Variants in RACGAP1 observed in about 807,000 individuals in gnomAD.
RACGAP1 encodes the protein Rac GTPase activating protein 1.
A neutral mutation model predicts 78.1 loss-of-function variants in RACGAP1; 30 were observed. The ratio of observed to expected loss-of-function variants is 0.38; its 90% CI spans 0.29 to 0.52. The LOEUF is 0.52. Ranked by LOEUF, RACGAP1 falls within the 20% of genes least tolerant of loss-of-function variation. The pLI, the probability that RACGAP1 is intolerant of heterozygous loss-of-function variation, is 0.82. For synonymous variants in RACGAP1, 231 were observed against 264.8 expected, an observed-to-expected ratio of 0.87 and a Z score of 1.24; for missense variants, 587 against 777.1, an observed-to-expected ratio of 0.76 and a Z score of 2.91.
intron 10 of RACGAP1, among the ~76,000 whole-genome samples, chr12:49,996,667 A>AAAAAAAAAAAAAAAAAAAAAAAAAG (rs1948302262): frequency 7.2e-6 from 1 of 138,752 alleles, no homozygotes; most frequent in Non-Finnish European, 1.5e-5. Context: ...AAAAAAAAAA[A>AAAAAAAAAAAAAAAAAAAAAAAAAG]ATGGACACAA....
intron 8 of RACGAP1, 69 bp from the exon 9 acceptor site, chr12:49,999,340 T>A: frequency 2.6e-6 from 4 of 1,529,850 alleles, no homozygotes; most frequent in Non-Finnish European, 3.5e-6. Flanking sequence ...TAGCTCCAAT[T>A]TTAACTGGGA....
rs566338956 is a variant in RACGAP1, at chr12:50,002,627, T to C, written c.496-327A>G. 13 of 223,114 alleles carry C rather than the reference T, an allele frequency of 5.8e-5. No homozygotes were observed. The East Asian group carries it at 1.2e-3, about 21-fold the overall frequency. The allele number at this position is 223,114 out of a possible 1,614,324, so 13.8% of individuals were successfully genotyped here. ...TTATTTTTGTAATTAGTTTTAGAAC[T>C]TACAGAATGTTAGGCACTATACTGA... is the stretch of plus-strand genomic sequence containing the variant. On this transcript the variant is annotated intron_variant, in intron 5 of 16. Coordinates refer to ENST00000312377, the MANE Select transcript of RACGAP1 (RefSeq NM_001319999.2).
At chr12:49,991,475 ATATATTTTTTT>A (rs1373377078) in intron 15 of RACGAP1, among the ~76,000 whole-genome samples, 7 of 33,912 alleles carry the variant, frequency 2.1e-4, no homozygotes, top group Non-Finnish European at 4.7e-4. Context: ...ATATATATAT[ATATATTTTTTT>A]TTTTTTTTTT....
intron 1 of RACGAP1, chr12:50,021,052 A>G: frequency 1.1e-6 from 1 of 942,376 alleles, no homozygotes; most frequent in Non-Finnish European, 1.3e-6. Context: ...AAAAGCTAAA[A>G]TTTACTCACC....
chr12:50,005,218 T>C, intron 4 of RACGAP1, 38 bp downstream of exon 4: 3 of 1,610,136 alleles, frequency 1.9e-6, no homozygotes, highest in African/African-American at 2.7e-5. Context: ...CAGCCTGTGT[T>C]GCTTGTGATA....
upstream of RACGAP1, among the ~76,000 whole-genome samples, chr12:50,026,739 G>A (rs1950274639): frequency 6.6e-6 from 1 of 152,236 alleles, no homozygotes; most frequent in Admixed American, 6.5e-5. Flanking sequence ...GCAGGCTGGA[G>A]TGCAGTGGCA....
intron 3 of RACGAP1, 42 bp from the exon 4 acceptor site, chr12:50,005,434 G>C (rs766389822): frequency 5.0e-6 from 8 of 1,607,374 alleles, no homozygotes; most frequent in Non-Finnish European, 6.8e-6. Flanking sequence ...CTAGCCAGGG[G>C]AGAAAGCTTC....
upstream of RACGAP1, among the ~76,000 whole-genome samples, chr12:50,029,773 G>C (rs1032141640): frequency 2.6e-5 from 4 of 151,078 alleles, no homozygotes; most frequent in Non-Finnish European, 5.9e-5. Flanking sequence ...GGCGCCTGTA[G>C]TCCCAGCTAC....
At chr12:50,029,768 C>T (rs1459048829), upstream of RACGAP1, among the ~76,000 whole-genome samples, 1 of 150,958 alleles carries the variant, frequency 6.6e-6, no homozygotes, top group African/African-American at 2.4e-5. Flanking sequence ...TGGCGGGCGC[C>T]TGTAGTCCCA....
chr12:50,026,719 ACT>A (rs1279138213), upstream of RACGAP1, among the ~76,000 whole-genome samples: 19 of 152,206 alleles, frequency 1.2e-4, no homozygotes, highest in African/African-American at 3.4e-4. Flanking sequence ...ACAGGGTCTT[ACT>A]CTGTCACGCA....
intron 2 of RACGAP1, among the ~76,000 whole-genome samples, chr12:50,014,812 G>A (rs894365565): frequency 1.3e-5 from 2 of 151,962 alleles, no homozygotes; most frequent in African/African-American, 4.8e-5. Flanking sequence ...GGAGGCTGTG[G>A]TGGGCTGATC....
intron 1 of RACGAP1, among the ~76,000 whole-genome samples, chr12:50,022,622 G>C (rs1371444431): frequency 6.6e-6 from 1 of 151,776 alleles, no homozygotes; most frequent in Non-Finnish European, 1.5e-5. Context: ...AAAATTAATA[G>C]CAAAACAAAA....
chr12:50,014,736 G>GC lies in RACGAP1; in HGVS notation c.85+1894_85+1895insG, dbSNP rs1555177108. ...CACACTGGCGGGTTTTTTTGTTTTT[G>GC]TTTTTTTTTCTGTAGAGATGGGGTT... On this transcript the variant is annotated intron_variant, in intron 2 of 16. Coordinates refer to ENST00000312377, the MANE Select transcript of RACGAP1 (RefSeq NM_001319999.2). 3.9e-3 allele frequency among the ~76,000 whole-genome samples: 583 copies of GC among 149,188 alleles called. 4 individuals are homozygous for GC. Among genetic ancestry groups the GC allele is most frequent in the Non-Finnish European group, 4.1e-3 (271 of 66,810 alleles).
At chr12:49,995,770 C>T (rs1012690081) in intron 10 of RACGAP1, among the ~76,000 whole-genome samples, 2 of 152,160 alleles carry the variant, frequency 1.3e-5, no homozygotes, top group African/African-American at 4.8e-5. Context: ...GCTGGGATTA[C>T]AGGCATGAGC....
chr12:50,026,725 T>C (rs528468652), upstream of RACGAP1, among the ~76,000 whole-genome samples: 5 of 152,344 alleles, frequency 3.3e-5, no homozygotes, highest in Admixed American at 1.3e-4. Flanking sequence ...TCTTACTCTG[T>C]CACGCAGGCT....
intron 15 of RACGAP1, 62 bp downstream of exon 15, chr12:49,991,936 G>A: frequency 1.3e-6 from 2 of 1,592,012 alleles, no homozygotes; most frequent in Non-Finnish European, 1.7e-6. Flanking sequence ...GGCAGGAAGA[G>A]GTCATATGAC....
chr12:50,007,080 G>T (rs1027180545), intron 2 of RACGAP1, among the ~76,000 whole-genome samples: 7 of 152,286 alleles, frequency 4.6e-5, no homozygotes, highest in Admixed American at 3.9e-4. Flanking sequence ...AAATTCAAAT[G>T]TAACTGCTGT....
chr12:50,031,809 G>T, exon 2 of RACGAP1: 1 of 961,516 alleles, frequency 1.0e-6, no homozygotes, highest in Non-Finnish European at 1.2e-6. Flanking sequence ...AGGCTTCCTG[G>T]TTCTTCCAGT....
rs1409254313 is a variant in RACGAP1, at chr12:49,994,425, C to T, written c.1129G>A (p.Gly377Ser). 6.2e-7 allele frequency: 1 copy of T among 1,614,012 alleles called. No homozygotes were observed. Among genetic ancestry groups the T allele is most frequent in the Non-Finnish European group, 8.5e-7 (1 of 1,180,008 alleles). The change falls in exon 11 of 17, where the codon GGT (glycine) becomes AGT (serine). Residue 377 changes from glycine (G) to serine (S), a missense_variant. Transcript: ENST00000312377. ...VHCVNEIEQR[G>S]LTETGLYRIS... is the part of the protein sequence containing the mutation. ...CAGTTGACTCTTACCTCAGTCAGAC[C>T]TCTTTGCTCAATCTCATTTACACAA... is the stretch of plus-strand genomic sequence containing the variant.
Sources: allele counts gnomAD v4.1 joint callset (sites outside exome capture counted in the v4.1 genomes callset), GRCh38; gene constraint gnomAD v4.1.1; transcripts MANE v1.5; gene names NCBI Gene and HGNC (gene_info 2026-07-23, HGNC 2026-07-21).